Variants in TENM2 observed in about 807,000 individuals in gnomAD.
The protein encoded by TENM2 is teneurin transmembrane protein 2, also known as teneurin-2.
In TENM2, 52 loss-of-function variants were observed where a neutral mutation model predicts 245.2. The ratio of observed to expected loss-of-function variants is 0.21; its 90% CI spans 0.17 to 0.27. The LOEUF (loss-of-function observed/expected upper bound fraction) is 0.27. Ranked by LOEUF, TENM2 falls within the 10% of genes least tolerant of loss-of-function variation. The pLI is 1.00. For missense variants in TENM2, 3,046 were observed against 3,666.8 expected, an observed-to-expected ratio of 0.83 and a Z score of 4.37; for synonymous variants, 1,363 against 1,438.9, an observed-to-expected ratio of 0.95 and a Z score of 1.19.
intron 2 of TENM2, among the ~76,000 whole-genome samples, chr5:167,819,833 GGGCTGT>G (rs2151030422): frequency 6.6e-6 from 1 of 152,308 alleles, no homozygotes; most frequent in South Asian, 2.1e-4. Flanking sequence ...TTCCTGTCTA[GGGCTGT>G]GGCTTCAATG....
chr5:167,755,644 C>T (rs766191453), intron 2 of TENM2, among the ~76,000 whole-genome samples: 16 of 152,074 alleles, frequency 1.1e-4, no homozygotes, highest in Admixed American at 4.6e-4. Flanking sequence ...CTAATGAAAA[C>T]GTGGGATTGG....
At chr5:167,006,008 C>T in the TENM2 span, among the ~76,000 whole-genome samples, 5 of 151,934 alleles carry the variant, frequency 3.3e-5, no homozygotes, top group Admixed American at 2.0e-4. Context: ...TGTGGTAGGA[C>T]GTGGAAGGAG....
At chr5:166,986,905 G>C in the TENM2 span, among the ~76,000 whole-genome samples, 1 of 81,116 alleles carries the variant, frequency 1.2e-5, no homozygotes, top group Non-Finnish European at 2.9e-5. Context: ...GAAAATATTA[G>C]AGAAGAGCAT....
At chr5:167,409,413 G>A (rs1034300299) in intron 2 of TENM2, among the ~76,000 whole-genome samples, 1 of 151,854 alleles carries the variant, frequency 6.6e-6, no homozygotes, top group Non-Finnish European at 1.5e-5. Flanking sequence ...TATCCTGAAG[G>A]GGCAATTTTA....
intron 2 of TENM2, among the ~76,000 whole-genome samples, chr5:167,592,837 G>GA (rs1775968578): frequency 6.6e-6 from 1 of 151,070 alleles, no homozygotes; most frequent in Non-Finnish European, 1.5e-5. Flanking sequence ...TTGATTTTTT[G>GA]TTTTTTTTCT....
At chr5:167,743,246 C>G (rs553516136) in intron 2 of TENM2, among the ~76,000 whole-genome samples, 1 of 152,124 alleles carries the variant, frequency 6.6e-6, no homozygotes, top group Non-Finnish European at 1.5e-5. Flanking sequence ...TGCATAATGT[C>G]TCCCCGCATG....
chr5:168,158,850 T>TATATACATACAC (rs1339051385), intron 12 of TENM2, among the ~76,000 whole-genome samples: 2 of 62,334 alleles, frequency 3.2e-5, no homozygotes, highest in African/African-American at 1.2e-4. Flanking sequence ...TATATATATA[T>TATATACATACAC]ACACACACAC....
intron 1 of TENM2, among the ~76,000 whole-genome samples, chr5:167,341,395 T>C (rs967019989): frequency 6.6e-6 from 1 of 152,220 alleles, no homozygotes; most frequent in Admixed American, 6.5e-5. Flanking sequence ...AGTTTATCCA[T>C]AGATTTGTTT....
chr5:167,358,151 A>G (rs1759465348), intron 1 of TENM2, among the ~76,000 whole-genome samples: 1 of 152,106 alleles, frequency 6.6e-6, no homozygotes, highest in Non-Finnish European at 1.5e-5. Context: ...TTACTGCCAC[A>G]TTCCTTTACT....
At chr5:168,238,182 AGAGGGAGG>A (rs1191935029) in intron 25 of TENM2, among the ~76,000 whole-genome samples, 5 of 44,154 alleles carry the variant, frequency 1.1e-4, no homozygotes, top group Admixed American at 3.9e-4. Flanking sequence ...AGAGAGAGAG[AGAGGGAGG>A]GAGGGAGGGA....
intron 2 of TENM2, among the ~76,000 whole-genome samples, chr5:167,846,950 AATTG>A (rs35289134): frequency 1.3e-4 from 20 of 151,024 alleles, no homozygotes; most frequent in Middle Eastern, 3.4e-3. Context: ...AAGTCATTTC[AATTG>A]ATTGATTGAT....
intron 25 of TENM2, among the ~76,000 whole-genome samples, chr5:168,238,290 AAAAGAAAAG>A (rs1765788793): frequency 1.3e-5 from 2 of 150,870 alleles, no homozygotes; most frequent in Non-Finnish European, 2.9e-5. Flanking sequence ...AAAAGAAAAG[AAAAGAAAAG>A]AAAAAATCCC....
intron 2 of TENM2, among the ~76,000 whole-genome samples, chr5:167,433,212 G>T (rs951438006): frequency 2.6e-5 from 4 of 151,802 alleles, no homozygotes; most frequent in Non-Finnish European, 4.4e-5. Context: ...ACCTGAAAAT[G>T]AATTTATAAA....
At chr5:167,751,576 A>C (rs903050560) in intron 2 of TENM2, among the ~76,000 whole-genome samples, 2 of 152,198 alleles carry the variant, frequency 1.3e-5, no homozygotes, top group Non-Finnish European at 2.9e-5. Context: ...AATCAGGGAA[A>C]TAGCTTCTTA....
At chr5:167,504,296 G>A (rs1218890636) in intron 2 of TENM2, among the ~76,000 whole-genome samples, 1 of 152,106 alleles carries the variant, frequency 6.6e-6, no homozygotes, top group Non-Finnish European at 1.5e-5. Flanking sequence ...GATATTTAAA[G>A]GTTGTTAAAT....
the TENM2 span, among the ~76,000 whole-genome samples, chr5:167,015,691 G>A: frequency 6.6e-6 from 1 of 152,056 alleles, no homozygotes; most frequent in African/African-American, 2.4e-5. Context: ...TGTGTTTCAT[G>A]GTAAGGATAC....
At chr5:167,952,744 A>G (rs375712410) in exon 4 of TENM2, 164 of 1,592,276 alleles carry the variant, frequency 1.0e-4, no homozygotes, top group East Asian at 7.4e-4. Flanking sequence ...CCAGCGCCCA[A>G]TGACCTGGCC....
At chr5:167,189,988 A>G in the TENM2 span, among the ~76,000 whole-genome samples, 2 of 152,108 alleles carry the variant, frequency 1.3e-5, no homozygotes, top group Non-Finnish European at 2.9e-5. Flanking sequence ...ATGAACTCAT[A>G]AAACTCCTAA....
intron 2 of TENM2, among the ~76,000 whole-genome samples, chr5:167,774,936 T>A (rs946862933): frequency 6.6e-6 from 1 of 152,202 alleles, no homozygotes; most frequent in South Asian, 2.1e-4. Flanking sequence ...GTCCAAGGTA[T>A]GCACTGGGGC....
Sources: gnomAD v4.1 joint callset for allele counts (sites outside exome capture counted in the v4.1 genomes callset) on GRCh38, gnomAD v4.1.1 for gene constraint, MANE v1.5 for transcripts, NCBI Gene and HGNC (gene_info 2026-07-23, HGNC 2026-07-21) for gene names.